Variants in CNNM2 observed in about 807,000 individuals in gnomAD.
The protein encoded by CNNM2 is metal transporter CNNM2.
A neutral mutation model predicts 66.9 loss-of-function variants in CNNM2; 12 were observed. That is an observed-to-expected ratio of 0.18 (90% confidence interval 0.11 to 0.29). The LOEUF (loss-of-function observed/expected upper bound fraction) is 0.29, where lower values mean the gene tolerates loss of function less well. CNNM2 is among the 10% of genes least tolerant of loss of function. The probability of loss-of-function intolerance (pLI) is 1.00; values close to 1 mark genes in which losing one functional copy is unlikely to be tolerated. For missense variants in CNNM2, 705 were observed against 1,167.7 expected (o/e 0.60, Z 5.77); for synonymous variants, 557 against 501.8 (o/e 1.11, Z -1.47).
intron 4 of CNNM2, among the ~76,000 whole-genome samples, chr10:103,066,039 G>A (rs2065471461): frequency 6.6e-6 from 1 of 152,132 alleles, no homozygotes; most frequent in Non-Finnish European, 1.5e-5. Context: ...CTGTAGGGTA[G>A]GAAAGCCTCC....
At chr10:102,940,260 C>G (rs1264849763) in intron 1 of CNNM2, among the ~76,000 whole-genome samples, 7 of 150,006 alleles carry the variant, frequency 4.7e-5, no homozygotes, top group Admixed American at 4.0e-4. Context: ...GGCCTCCCCT[C>G]TGTATATTGT....
rs2065762206 is a variant in CNNM2, at chr10:103,081,993, T to C, written c.*4813T>C. 2 of 152,192 alleles carry C rather than the reference T, an allele frequency of 1.3e-5. No homozygotes were observed. Among genetic ancestry groups the C allele is most frequent in the South Asian group, 4.1e-4 (2 of 4,830 alleles). The allele number at this position is 152,192 out of a possible 1,614,324, so 9.4% of individuals were successfully genotyped here. A position where few individuals can be genotyped will look rare whatever the true frequency, so the allele number is the denominator to read the frequency against. The stretch of plus-strand genomic sequence containing the variant: ...ATCTCTACTAGAATTGTTTTAAATA[T>C]CTTTTGATGGGAAATACCAGGTTGA... On this transcript the variant is annotated 3_prime_UTR_variant, in exon 8 of 8. Coordinates refer to ENST00000369878, the MANE Select transcript of CNNM2 (RefSeq NM_017649.5).
chr10:103,042,423 T>C (rs1451075230), intron 1 of CNNM2, among the ~76,000 whole-genome samples: 2 of 152,214 alleles, frequency 1.3e-5, no homozygotes, highest in Non-Finnish European at 1.5e-5. Flanking sequence ...CCTACTGTTA[T>C]GTTCTCCACA....
intron 1 of CNNM2, among the ~76,000 whole-genome samples, chr10:102,987,331 A>G (rs1016711879): frequency 6.6e-6 from 1 of 151,982 alleles, no homozygotes; most frequent in African/African-American, 2.4e-5. Flanking sequence ...TATTATTATT[A>G]TTATTTTGAG....
chr10:103,072,051 C>T (rs1337476075), intron 6 of CNNM2, among the ~76,000 whole-genome samples: 2 of 152,176 alleles, frequency 1.3e-5, no homozygotes, highest in Admixed American at 6.5e-5. Context: ...CGCAAAGTCA[C>T]CATGCACAGG....
intron 4 of CNNM2, among the ~76,000 whole-genome samples, chr10:103,061,076 C>G (rs1262732195): frequency 6.6e-6 from 1 of 152,004 alleles, no homozygotes. Flanking sequence ...AAGCAGCAAA[C>G]TAAAAAAGAA....
chr10:103,040,712 T>TG (rs933067714), intron 1 of CNNM2, among the ~76,000 whole-genome samples: 1 of 152,054 alleles, frequency 6.6e-6, no homozygotes, highest in Non-Finnish European at 1.5e-5. Flanking sequence ...TAACAAGCTG[T>TG]GGGGTGAGGA....
At chr10:102,976,856 G>A (rs1246459145) in intron 1 of CNNM2, among the ~76,000 whole-genome samples, 1 of 151,932 alleles carries the variant, frequency 6.6e-6, no homozygotes, top group South Asian at 2.1e-4. Context: ...TTGGATGTAC[G>A]TTAAGGGTTT....
chr10:103,076,033 T>A, intron 6 of CNNM2, 53 bp from the exon 7 acceptor site: 1 of 1,473,646 alleles, frequency 6.8e-7, no homozygotes, highest in Admixed American at 2.1e-5. Context: ...TAACTGGTTT[T>A]ATTGGCTGTA....
chr10:102,987,739 T>C (rs2063823753), intron 1 of CNNM2, among the ~76,000 whole-genome samples: 1 of 152,154 alleles, frequency 6.6e-6, no homozygotes, highest in Non-Finnish European at 1.5e-5. Flanking sequence ...TCAAAAATGG[T>C]TTGCAACCTC....
chr10:103,037,922 C>T (rs2064971279), intron 1 of CNNM2, among the ~76,000 whole-genome samples: 2 of 152,038 alleles, frequency 1.3e-5, no homozygotes, highest in African/African-American at 2.4e-5. Flanking sequence ...TCACTGCAAC[C>T]TCCACCTCTT....
At position 103,025,254 on chromosome 10, in the gene CNNM2, G is replaced by T. The variant is rs536255838; in HGVS notation, c.1622-24453G>T. 5.5e-4 allele frequency among the ~76,000 whole-genome samples: 83 copies of T among 152,246 alleles called. 1 individual carries two copies. Among genetic ancestry groups the T allele is most frequent in the Non-Finnish European group, 7.6e-4 (52 of 68,006 alleles). ...TTACAGGCATGTGCCACCATGCCCGGCTAATTTTTGTATTTTAGTAGAGGT... is the reference window on the plus strand; with the variant it reads ...TTACAGGCATGTGCCACCATGCCCGTCTAATTTTTGTATTTTAGTAGAGGT... On this transcript the variant is annotated intron_variant, in intron 1 of 7. Coordinates refer to ENST00000369878, the MANE Select transcript of CNNM2 (RefSeq NM_017649.5).
chr10:102,960,232 T>C (rs1206917545), intron 1 of CNNM2, among the ~76,000 whole-genome samples: 1 of 152,316 alleles, frequency 6.6e-6, no homozygotes, highest in East Asian at 1.9e-4. Flanking sequence ...ATTTGCACTT[T>C]ATTGAAAACT....
intron 1 of CNNM2, among the ~76,000 whole-genome samples, chr10:102,993,768 A>C (rs2063937782): frequency 6.6e-6 from 1 of 151,410 alleles, no homozygotes. Context: ...TAGGTCTGTC[A>C]TTAAAAATTT....
chr10:102,969,267 G>A (rs1438537141), intron 1 of CNNM2, among the ~76,000 whole-genome samples: 1 of 151,926 alleles, frequency 6.6e-6, no homozygotes, highest in Non-Finnish European at 1.5e-5. Context: ...AGGTTGGAGT[G>A]CAATGGGGCA....
chr10:102,956,475 T>C (rs1420379165), intron 1 of CNNM2, among the ~76,000 whole-genome samples: 3 of 152,118 alleles, frequency 2.0e-5, no homozygotes, highest in Non-Finnish European at 4.4e-5. Flanking sequence ...ACTGGATATA[T>C]ACCCAAAGGA....
At chr10:103,022,063 G>C (rs1000655268) in intron 1 of CNNM2, among the ~76,000 whole-genome samples, 4 of 152,138 alleles carry the variant, frequency 2.6e-5, no homozygotes, top group African/African-American at 9.7e-5. Flanking sequence ...AAGCGTCATA[G>C]GAATTTCATC....
At position 103,087,305 on chromosome 10, in the gene CNNM2, C is replaced by G. The variant is rs2065834540; in HGVS notation, c.*10125C>G. The G allele has an allele frequency of 6.6e-6, 1 of 151,908 alleles. No individual in the cohort carries two copies. The highest frequency in any genetic ancestry group is 2.4e-5 in the African/African-American group (1 of 41,352). The allele number at this position is 151,908 out of a possible 1,614,324, so 9.4% of individuals were successfully genotyped here. ...TGGACCATTGACTTCCCAGCACACT[C>G]TTAAGAATAATATACAGAGAGGCAC... On this transcript the variant is annotated 3_prime_UTR_variant, in exon 8 of 8. Coordinates refer to ENST00000369878, the MANE Select transcript of CNNM2 (RefSeq NM_017649.5).
chr10:102,977,347 C>T (rs1311855347), intron 1 of CNNM2, among the ~76,000 whole-genome samples: 1 of 152,122 alleles, frequency 6.6e-6, no homozygotes, highest in Non-Finnish European at 1.5e-5. Flanking sequence ...GTGAACATTT[C>T]TTCTGAGCAT....
Sources: gnomAD v4.1 joint callset for allele counts (sites outside exome capture counted in the v4.1 genomes callset) on GRCh38, gnomAD v4.1.1 for gene constraint, MANE v1.5 for transcripts, NCBI Gene and HGNC (gene_info 2026-07-23, HGNC 2026-07-21) for gene names.